The following PTPRD variants were observed in gnomAD, a reference collection of about 807,000 sequenced individuals.
PTPRD encodes receptor-type tyrosine-protein phosphatase delta.
Under a neutral mutation model 214.5 loss-of-function variants are expected in PTPRD, and 34 were observed. That is an observed-to-expected ratio of 0.16 (90% confidence interval 0.12 to 0.21). The LOEUF is 0.21. Ranked by LOEUF, PTPRD falls within the 10% of genes least tolerant of loss-of-function variation. PTPRD has a pLI of 1.00. For synonymous variants in PTPRD, 1,128 were observed against 845.7 expected, an observed-to-expected ratio of 1.33 and a Z score of -5.79; for missense variants, 2,545 against 2,398.7, an observed-to-expected ratio of 1.06 and a Z score of -1.27.
chr9:10,087,897 G>C (rs1259277631), intron 3 of PTPRD, among the ~76,000 whole-genome samples: 1 of 151,692 alleles, frequency 6.6e-6, no homozygotes, highest in Non-Finnish European at 1.5e-5. Flanking sequence ...TACTTCTCAT[G>C]TAAGCATAAT....
At chr9:9,968,191 T>C (rs1170020259) in intron 4 of PTPRD, among the ~76,000 whole-genome samples, 1 of 152,192 alleles carries the variant, frequency 6.6e-6, no homozygotes, top group Non-Finnish European at 1.5e-5. Flanking sequence ...TTTTGAGTAA[T>C]AACCACATGC....
chr9:8,582,539 T>C (rs1220244528), intron 14 of PTPRD, among the ~76,000 whole-genome samples: 3 of 152,052 alleles, frequency 2.0e-5, no homozygotes, highest in Non-Finnish European at 4.4e-5. Context: ...CAAATGTGCA[T>C]ACCTTATTGA....
intron 8 of PTPRD, among the ~76,000 whole-genome samples, chr9:9,483,780 C>CT (rs201946678): frequency 0.015 from 2,033 of 137,826 alleles, 32 homozygotes; most frequent in African/African-American, 0.043. Context: ...TGTCTTCTTT[C>CT]TTTTTTTTTT....
At chr9:9,573,211 G>A (rs779067599) in intron 8 of PTPRD, among the ~76,000 whole-genome samples, 1 of 151,486 alleles carries the variant, frequency 6.6e-6, no homozygotes, top group Non-Finnish European at 1.5e-5. Context: ...CAAACATAAT[G>A]TTGAGCAAAA....
At chr9:10,086,038 A>G (rs1332896042) in intron 3 of PTPRD, among the ~76,000 whole-genome samples, 2 of 151,838 alleles carry the variant, frequency 1.3e-5, no homozygotes, top group African/African-American at 4.8e-5. Flanking sequence ...AATTCAATAT[A>G]TAGAAATTAG....
At chr9:9,216,087 C>G (rs1593770405) in intron 9 of PTPRD, among the ~76,000 whole-genome samples, 5 of 152,234 alleles carry the variant, frequency 3.3e-5, no homozygotes, top group Admixed American at 3.3e-4. Context: ...TCCTTACTAG[C>G]TATGTGACAC....
intron 10 of PTPRD, among the ~76,000 whole-genome samples, chr9:9,115,304 G>A (rs77574685): frequency 0.028 from 4,221 of 152,080 alleles, 103 homozygotes; most frequent in East Asian, 0.07. Flanking sequence ...TTACATAGAG[G>A]ATAATTATTT....
chr9:8,610,437 A>G (rs1342729873), intron 14 of PTPRD, among the ~76,000 whole-genome samples: 1 of 152,098 alleles, frequency 6.6e-6, no homozygotes, highest in African/African-American at 2.4e-5. Context: ...ATGGGATCCT[A>G]GTTTTTCTGG....
At chr9:10,560,727 C>T (rs769411198) in intron 2 of PTPRD, among the ~76,000 whole-genome samples, 21 of 152,086 alleles carry the variant, frequency 1.4e-4, no homozygotes, top group South Asian at 4.2e-4. Context: ...TCGCAGTAAA[C>T]CAAGAATAAT....
At chr9:10,157,789 T>C (rs546278347) in intron 3 of PTPRD, among the ~76,000 whole-genome samples, 1 of 152,258 alleles carries the variant, frequency 6.6e-6, no homozygotes, top group Non-Finnish European at 1.5e-5. Flanking sequence ...AATCATAGAT[T>C]TGACCTCCAT....
At chr9:9,654,364 G>A (rs1350637960) in intron 7 of PTPRD, among the ~76,000 whole-genome samples, 1 of 152,020 alleles carries the variant, frequency 6.6e-6, no homozygotes, top group Non-Finnish European at 1.5e-5. Context: ...TGAGCATTAT[G>A]TAAATTATAT....
chr9:8,940,300 T>TTTTTTTTA (rs2099024700), intron 11 of PTPRD, among the ~76,000 whole-genome samples: 1 of 140,338 alleles, frequency 7.1e-6, no homozygotes, highest in African/African-American at 2.8e-5. Flanking sequence ...TTTTTTTTTT[T>TTTTTTTTA]GAGATGGAGT....
chr9:8,449,354 T>C (rs946246656), intron 34 of PTPRD, among the ~76,000 whole-genome samples: 1 of 152,010 alleles, frequency 6.6e-6, no homozygotes, highest in Non-Finnish European at 1.5e-5. Context: ...GAAAGATGTG[T>C]ACAGTCATCC....
rs879614111 is a variant in PTPRD, at chr9:10,422,608, A to G, written c.-599-81591T>C. On this transcript the variant is annotated intron_variant, in intron 2 of 45. Coordinates refer to ENST00000381196, the MANE Select transcript of PTPRD (RefSeq NM_002839.4). ...CAAAGAACTTAAACAAATTTACAAG[A>G]AAAAAAACAAACAACCCCATCAAAG... 9.6e-4 allele frequency among the ~76,000 whole-genome samples: 145 copies of G among 151,528 alleles called. 2 individuals are homozygous for G. The highest frequency in any genetic ancestry group is 1.6e-3 in the Non-Finnish European group (110 of 67,854).
intron 2 of PTPRD, among the ~76,000 whole-genome samples, chr9:10,443,047 G>A (rs2098771543): frequency 6.8e-6 from 1 of 148,132 alleles, no homozygotes; most frequent in African/African-American, 2.5e-5. Context: ...TTAGGAAAAT[G>A]AACAGAGGAA....
At chr9:9,684,551 ATAATAT>A (rs1173985977) in intron 7 of PTPRD, among the ~76,000 whole-genome samples, 2 of 151,732 alleles carry the variant, frequency 1.3e-5, no homozygotes, top group African/African-American at 4.8e-5. Context: ...TAATTGAGTA[ATAATAT>A]TAATACTTGG....
intron 12 of PTPRD, among the ~76,000 whole-genome samples, chr9:8,712,493 T>C (rs1325331457): frequency 6.6e-6 from 1 of 151,832 alleles, no homozygotes; most frequent in South Asian, 2.1e-4. Flanking sequence ...GATGAGCATG[T>C]AAAGGCTTCT....
At chr9:9,329,348 C>T (rs564194226) in intron 9 of PTPRD, among the ~76,000 whole-genome samples, 1 of 152,250 alleles carries the variant, frequency 6.6e-6, no homozygotes, top group Admixed American at 6.5e-5. Flanking sequence ...CCCATTTCAT[C>T]TTTTCATAAC....
chr9:10,268,454 C>T (rs142105672), intron 3 of PTPRD, among the ~76,000 whole-genome samples: 1 of 152,106 alleles, frequency 6.6e-6, no homozygotes, highest in African/African-American at 2.4e-5. Context: ...TCAGAGAATA[C>T]GATTCCTTTG....
Sources: allele counts gnomAD v4.1 joint callset (sites outside exome capture counted in the v4.1 genomes callset), GRCh38; gene constraint gnomAD v4.1.1; transcripts MANE v1.5; gene names NCBI Gene and HGNC (gene_info 2026-07-23, HGNC 2026-07-21).